TDRD9: variants seen among roughly 807,000 people sequenced by gnomAD.
TDRD9 encodes the protein ATP-dependent RNA helicase TDRD9.
A neutral mutation model predicts 172.6 loss-of-function variants in TDRD9; 124 were observed. That is an observed-to-expected ratio of 0.72 (90% CI 0.62 to 0.83). The LOEUF is 0.83. TDRD9 is among the 40% of genes least tolerant of loss of function. The pLI, the probability that TDRD9 is intolerant of heterozygous loss-of-function variation, is 0.00. For missense variants in TDRD9, 1,479 were observed against 1,714.1 expected (o/e 0.86, Z 2.42); for synonymous variants, 619 against 617.1 (o/e 1.00, Z -0.05).
At chr14:103,979,198 T>C (rs2033373453) in intron 7 of TDRD9, among the ~76,000 whole-genome samples, 1 of 152,226 alleles carries the variant, frequency 6.6e-6, no homozygotes, top group Non-Finnish European at 1.5e-5. Context: ...GTTTCATCCA[T>C]GTTGTTGCAA....
At chr14:104,016,242 T>C (rs1035640939) in intron 22 of TDRD9, among the ~76,000 whole-genome samples, 154 bp downstream of exon 22, 1 of 152,242 alleles carries the variant, frequency 6.6e-6, no homozygotes. Flanking sequence ...TAGGCTTGTT[T>C]GGCCTTTTCA....
intron 1 of TDRD9, among the ~76,000 whole-genome samples, chr14:103,936,919 C>T (rs574233426): frequency 1.3e-5 from 2 of 152,244 alleles, no homozygotes; most frequent in Admixed American, 6.5e-5. Context: ...TAGGGAGACC[C>T]TGTCTCTACA....
chr14:104,024,404 A>G (rs2035051895), intron 24 of TDRD9, among the ~76,000 whole-genome samples, 165 bp from the exon 25 acceptor site: 1 of 152,154 alleles, frequency 6.6e-6, no homozygotes, highest in Non-Finnish European at 1.5e-5. Flanking sequence ...GCAGAAATTC[A>G]TGTTTGAGAT....
At chr14:104,049,116 A>ATGTGTG (rs1217764671) in intron 34 of TDRD9, among the ~76,000 whole-genome samples, 6 of 23,124 alleles carry the variant, frequency 2.6e-4, no homozygotes, top group East Asian at 2.1e-3. Flanking sequence ...GTATGTATGT[A>ATGTGTG]TGTATGTGTG....
chr14:103,971,023 G>A lies in TDRD9; in HGVS notation c.846+402G>A, dbSNP rs182891128. ...TTTTGAGACGGAGTCTAGCTCTGTCGCCCAGGCTGGAGTGCAGTGGCGTGA... is the reference window on the plus strand; with the variant it reads ...TTTTGAGACGGAGTCTAGCTCTGTCACCCAGGCTGGAGTGCAGTGGCGTGA... On this transcript the variant is annotated intron_variant, in intron 6 of 35. Coordinates refer to ENST00000409874, the MANE Select transcript of TDRD9 (RefSeq NM_153046.3). Among the ~76,000 whole-genome samples the A allele has an allele frequency of 8.5e-4, 129 of 151,176 alleles. 2 individuals are homozygous for A. In the East Asian group the frequency reaches 0.023, roughly 27 times the overall value.
In TDRD9 at chr14:104,031,095, CTTGT is replaced by C; in HGVS notation, c.3283-7_3283-4del. ...TTTTCTTTTAACAAAACAAACTTTT[CTTGT>C]TTGTTCAGCAAAGCCATGAAGTTCT... On this transcript the variant is annotated splice_polypyrimidine_tract_variant and intron_variant, in intron 28 of 35. Transcript: ENST00000409874. 1 of 1,539,162 alleles carries C rather than the reference CTTGT, an allele frequency of 6.5e-7. No homozygotes were observed. The highest frequency in any genetic ancestry group is 2.1e-5 in the Admixed American group (1 of 46,598).
chr14:104,021,967 CT>C (rs1249529388), intron 23 of TDRD9, among the ~76,000 whole-genome samples, 189 bp from the exon 24 acceptor site: 1 of 152,060 alleles, frequency 6.6e-6, no homozygotes, highest in Non-Finnish European at 1.5e-5. Context: ...GTCATTATAA[CT>C]TTTATTTCTC....
chr14:103,941,319 A>G (rs2031216521), intron 1 of TDRD9: 1 of 1,108,774 alleles, frequency 9.0e-7, no homozygotes, highest in African/African-American at 1.6e-5. Flanking sequence ...ACATGATAGA[A>G]TACAGTTTCT....
chr14:103,928,486 G>T lies in TDRD9; in HGVS notation c.-24G>T, dbSNP rs779062965. ...CGCCGCGGAGACCCGGCAGTTGGGG[G>T]ATGCCGACGCCTGGGCCTTGAGGAT... is the stretch of plus-strand genomic sequence containing the variant. On this transcript the variant is annotated 5_prime_UTR_variant, in exon 1 of 36. Transcript: ENST00000409874. The T allele has an allele frequency of 3.9e-5, 56 of 1,430,566 alleles. No individual in the cohort carries two copies. In the African/African-American group the frequency reaches 7.4e-4, roughly 19 times the overall value. The allele number at this position is 1,430,566 out of a possible 1,614,324, so 88.6% of individuals were successfully genotyped here.
rs2034112847 is a variant in TDRD9, at chr14:103,997,970, C to A, written c.1379-654C>A. Among the ~76,000 whole-genome samples, 1 of 151,972 alleles carries A rather than the reference C, an allele frequency of 6.6e-6. No individual in the cohort carries two copies. The highest frequency in any genetic ancestry group is 2.4e-5 in the African/African-American group (1 of 41,338). The stretch of plus-strand genomic sequence containing the variant: ...CCACAGGTGCTTTGCTGTAGGGGAG[C>A]AGAGGAAATGGGGCAGTAAGTGAAG... On this transcript the variant is annotated intron_variant, in intron 12 of 35. Coordinates refer to ENST00000409874, the MANE Select transcript of TDRD9 (RefSeq NM_153046.3). This position sits in a 1 kb window ranked among gnomAD's most constrained non-coding sequence, Gnocchi z 5.1.
At chr14:104,008,367 A>G in intron 19 of TDRD9, 46 bp from the exon 20 acceptor site, 1 of 1,126,728 alleles carries the variant, frequency 8.9e-7, no homozygotes, top group Non-Finnish European at 1.3e-6. Context: ...ATTCAGCTCT[A>G]ATTTATTACC....
intron 28 of TDRD9, among the ~76,000 whole-genome samples, chr14:104,028,782 G>C (rs1245918103): frequency 6.6e-6 from 1 of 151,942 alleles, no homozygotes; most frequent in African/African-American, 2.4e-5. Context: ...ATTTCTCCTT[G>C]TTTTCTTCTA....
intron 21 of TDRD9, among the ~76,000 whole-genome samples, chr14:104,015,770 A>G (rs755405958): frequency 2.0e-5 from 3 of 152,170 alleles, no homozygotes; most frequent in Non-Finnish European, 4.4e-5. Flanking sequence ...TGTTAGGTGA[A>G]AAAAGTGTTT....
chr14:103,933,376 C>T (rs1034166136), intron 1 of TDRD9, among the ~76,000 whole-genome samples: 1 of 152,172 alleles, frequency 6.6e-6, no homozygotes, highest in Non-Finnish European at 1.5e-5. Context: ...TCACAGCTCA[C>T]GTTAACTCCT....
intron 5 of TDRD9, among the ~76,000 whole-genome samples, chr14:103,970,340 G>A (rs1236768726): frequency 6.6e-6 from 1 of 152,164 alleles, no homozygotes; most frequent in African/African-American, 2.4e-5. Context: ...ACTGGGGGCC[G>A]TGACTGAGTG....
intron 7 of TDRD9, among the ~76,000 whole-genome samples, chr14:103,983,189 G>A (rs1473177914): frequency 2.1e-5 from 3 of 143,784 alleles, no homozygotes; most frequent in East Asian, 4.2e-4. Flanking sequence ...TCAGTCTCCC[G>A]AGTAGCTGGG....
chr14:104,007,110 A>G (rs774864590), intron 18 of TDRD9, 50 bp from the exon 19 acceptor site: 17 of 1,544,984 alleles, frequency 1.1e-5, no homozygotes, highest in Non-Finnish European at 1.5e-5. Flanking sequence ...CTTAAAAAAA[A>G]TTCAGTGAGC....
At chr14:103,950,974 A>G (rs1305119832) in intron 1 of TDRD9, among the ~76,000 whole-genome samples, 1 of 152,248 alleles carries the variant, frequency 6.6e-6, no homozygotes, top group Non-Finnish European at 1.5e-5. Flanking sequence ...TGATCTTTGT[A>G]GCCAAGGATA....
chr14:104,048,727 C>G (rs2140939098), intron 34 of TDRD9, among the ~76,000 whole-genome samples: 1 of 152,310 alleles, frequency 6.6e-6, no homozygotes, highest in Middle Eastern at 3.4e-3. Context: ...TTTCCAGAGT[C>G]TCCCTTTTAC....
Sources: allele counts gnomAD v4.1 joint callset (sites outside exome capture counted in the v4.1 genomes callset), GRCh38; gene constraint gnomAD v4.1.1; non-coding constraint Gnocchi (gnomAD v3.1); transcripts MANE v1.5; gene names NCBI Gene and HGNC (gene_info 2026-07-23, HGNC 2026-07-21).